The following ANKRD11 variants were observed in gnomAD, a reference collection of about 807,000 sequenced individuals.
ANKRD11 encodes the protein ankyrin repeat domain-containing protein 11.
Under a neutral mutation model 195.7 loss-of-function variants are expected in ANKRD11, and 17 were observed. The observed-to-expected ratio is 0.09, with a 90% CI of 0.06 to 0.13. The LOEUF (loss-of-function observed/expected upper bound fraction) is 0.13, where lower values mean the gene tolerates loss of function less well. ANKRD11 is among the 10% of genes least tolerant of loss of function. ANKRD11 has a pLI of 1.00. For synonymous variants in ANKRD11, 1,953 were observed against 1,528.1 expected, an observed-to-expected ratio of 1.28 and a Z score of -6.49; for missense variants, 3,735 against 3,566.1, an observed-to-expected ratio of 1.05 and a Z score of -1.21.
chr16:89,468,993 T>C (rs2056977657), intron 1 of ANKRD11, among the ~76,000 whole-genome samples: 1 of 152,148 alleles, frequency 6.6e-6, no homozygotes, highest in Non-Finnish European at 1.5e-5. Flanking sequence ...CTTAGCAAAC[T>C]TGTAATAGAA....
At chr16:89,439,782 G>A (rs779882768) in intron 1 of ANKRD11, among the ~76,000 whole-genome samples, 33 of 152,016 alleles carry the variant, frequency 2.2e-4, no homozygotes, top group Non-Finnish European at 4.0e-4. Context: ...ACACAACTCC[G>A]TCCCCCTCAG....
intron 7 of ANKRD11, chr16:89,286,730 C>G: frequency 7.9e-7 from 1 of 1,268,754 alleles, no homozygotes; most frequent in Non-Finnish European, 1.0e-6. Context: ...CTTGATTTTA[C>G]AAGGGTAAGG....
intron 1 of ANKRD11, chr16:89,488,952 G>C (rs1249522647): frequency 1.3e-5 from 2 of 152,168 alleles, no homozygotes; most frequent in Non-Finnish European, 2.9e-5. Context: ...AAGGAAAACA[G>C]TTTCAAAGCA....
At chr16:89,301,301 A>G (rs763019707) in intron 4 of ANKRD11, 1 of 378,800 alleles carries the variant, frequency 2.6e-6, no homozygotes. Context: ...AACCTTACAC[A>G]TATAAAAAAG....
intron 2 of ANKRD11, among the ~76,000 whole-genome samples, chr16:89,354,847 T>A (rs1006593590): frequency 6.6e-6 from 1 of 152,044 alleles, no homozygotes; most frequent in Non-Finnish European, 1.5e-5. Context: ...AGATCACACC[T>A]CTGCACTCCA....
At chr16:89,290,434 G>A (rs111261286) in intron 6 of ANKRD11, among the ~76,000 whole-genome samples, 191 bp downstream of exon 6, 1 of 87,382 alleles carries the variant, frequency 1.1e-5, no homozygotes, top group East Asian at 2.5e-4. Context: ...CCAATGGGGG[G>A]AGGCTCAGGG....
At chr16:89,441,351 T>TC (rs1409859152) in intron 1 of ANKRD11, among the ~76,000 whole-genome samples, 1 of 152,188 alleles carries the variant, frequency 6.6e-6, no homozygotes, top group Non-Finnish European at 1.5e-5. Context: ...ACACAGGCTC[T>TC]CTTACACAGA....
In ANKRD11 at chr16:89,447,892, C is replaced by A. The variant is rs577935845; in HGVS notation, c.-144-29524G>T. 4.0e-5 allele frequency among the ~76,000 whole-genome samples: 6 copies of A among 151,430 alleles called. No homozygotes were observed. The South Asian group carries it at 1.0e-3, about 26-fold the overall frequency. ...CAATCTCAGCTCACTGCAACCTCCA[C>A]TTCCCAGGTTCAAGCAATTGTCCTG... On this transcript the variant is annotated intron_variant, in intron 1 of 12. Coordinates refer to ENST00000301030, the MANE Select transcript of ANKRD11 (RefSeq NM_013275.6).
intron 2 of ANKRD11, among the ~76,000 whole-genome samples, chr16:89,357,088 G>C (rs2152047178): frequency 6.6e-6 from 1 of 152,350 alleles, no homozygotes; most frequent in South Asian, 2.1e-4. Context: ...GGGCAGTGGT[G>C]GGGATGAGGA....
At chr16:89,473,641 GATACGTC>G (rs1170268415) in intron 1 of ANKRD11, among the ~76,000 whole-genome samples, 2 of 152,228 alleles carry the variant, frequency 1.3e-5, no homozygotes, top group Non-Finnish European at 2.9e-5. Flanking sequence ...CCCACAGACT[GATACGTC>G]ATGGAGGAGA....
At chr16:89,308,183 GAT>G (rs2036407011) in intron 3 of ANKRD11, among the ~76,000 whole-genome samples, 2 of 152,140 alleles carry the variant, frequency 1.3e-5, no homozygotes, top group African/African-American at 4.8e-5. Context: ...ACATAGACAG[GAT>G]ATATAAAAAA....
intron 2 of ANKRD11, among the ~76,000 whole-genome samples, chr16:89,385,654 C>T (rs2040875842): frequency 6.6e-6 from 1 of 152,260 alleles, no homozygotes; most frequent in Non-Finnish European, 1.5e-5. Context: ...CACTCAAATG[C>T]TTTAAAGATT....
At chr16:89,418,636 C>G (rs1446969571) in intron 1 of ANKRD11, 1 of 158,892 alleles carries the variant, frequency 6.3e-6, no homozygotes, top group African/African-American at 2.4e-5. Context: ...CTGATACAAT[C>G]TTGTGAAATC....
intron 2 of ANKRD11, among the ~76,000 whole-genome samples, chr16:89,341,109 T>C (rs189425751): frequency 5.6e-4 from 85 of 152,320 alleles, no homozygotes; most frequent in Non-Finnish European, 9.1e-4. Context: ...GTGGACTGTT[T>C]ATATGCAATA....
At chr16:89,335,793 C>T (rs1437718967) in intron 2 of ANKRD11, among the ~76,000 whole-genome samples, 1 of 152,184 alleles carries the variant, frequency 6.6e-6, no homozygotes, top group Non-Finnish European at 1.5e-5. Context: ...TGGGTTCTCA[C>T]AAGCTTGTTT....
In ANKRD11 at chr16:89,447,280, T is replaced by A. The variant is rs150038477; in HGVS notation, c.-144-28912A>T. On this transcript the variant is annotated intron_variant, in intron 1 of 12. Coordinates refer to ENST00000301030, the MANE Select transcript of ANKRD11 (RefSeq NM_013275.6). Reference sequence around the variant, plus strand: ...CTCATTAAACTCCTAAAGACAGTGGTCCCTAGATGCCTCCCTCTCTTCCCT... The same window carrying A: ...CTCATTAAACTCCTAAAGACAGTGGACCCTAGATGCCTCCCTCTCTTCCCT... Among the ~76,000 whole-genome samples, 1,116 of 152,178 alleles carry A rather than the reference T, an allele frequency of 7.3e-3. 55 individuals are homozygous for A. Among genetic ancestry groups the A allele is most frequent in the Admixed American group, 0.063 (967 of 15,270 alleles).
chr16:89,424,577 G>A lies in ANKRD11; in HGVS notation c.-144-6209C>T, dbSNP rs139353353. Among the ~76,000 whole-genome samples, 782 of 152,208 alleles carry A rather than the reference G, an allele frequency of 5.1e-3. 5 individuals carry two copies. The highest frequency in any genetic ancestry group is 0.018 in the African/African-American group (759 of 41,532). On this transcript the variant is annotated intron_variant, in intron 1 of 12. Coordinates refer to ENST00000301030, the MANE Select transcript of ANKRD11 (RefSeq NM_013275.6). ...AATAAGCTGAGTCCACCCACACCAC[G>A]GAGACCACTCAGCAACAAAACAGAG...
chr16:89,471,289 C>T (rs34373216), intron 1 of ANKRD11, among the ~76,000 whole-genome samples: 19,995 of 152,188 alleles, frequency 0.13, 1,674 homozygotes, highest in Middle Eastern at 0.2. Context: ...TCACAGCTTT[C>T]GAGGAACTGT....
intron 2 of ANKRD11, among the ~76,000 whole-genome samples, chr16:89,329,897 T>C (rs924468325): frequency 6.6e-6 from 1 of 151,802 alleles, no homozygotes; most frequent in African/African-American, 2.4e-5. Flanking sequence ...TCCCAGCTAC[T>C]TGGGAGGCTG....
Sources: gnomAD v4.1 joint callset for allele counts (sites outside exome capture counted in the v4.1 genomes callset) on GRCh38, gnomAD v4.1.1 for gene constraint, MANE v1.5 for transcripts, NCBI Gene and HGNC (gene_info 2026-07-23, HGNC 2026-07-21) for gene names.